Variants in BTBD9 observed in about 807,000 individuals in gnomAD.
BTBD9 encodes BTB domain containing 9.
A neutral mutation model predicts 64.3 loss-of-function variants in BTBD9; 49 were observed. The ratio of observed to expected loss-of-function variants is 0.76; its 90% CI spans 0.61 to 0.97. The LOEUF (loss-of-function observed/expected upper bound fraction) is 0.97, where lower values mean the gene tolerates loss of function less well. Among genes scored for constraint, BTBD9 ranks in the 50% least tolerant of loss-of-function variants. BTBD9 has a pLI of 0.00. For missense variants in BTBD9, 598 were observed against 762.1 expected (o/e 0.78, Z 2.53); for synonymous variants, 260 against 274.7 (o/e 0.95, Z 0.53).
intron 1 of BTBD9, among the ~76,000 whole-genome samples, chr6:38,607,786 A>T (rs1189846361): frequency 6.6e-6 from 1 of 150,424 alleles, no homozygotes; most frequent in Non-Finnish European, 1.5e-5. Context: ...AAAAAGGCTC[A>T]ATTTATAATT....
At chr6:38,610,213 C>T (rs1777566452) in intron 1 of BTBD9, among the ~76,000 whole-genome samples, 1 of 152,136 alleles carries the variant, frequency 6.6e-6, no homozygotes. Flanking sequence ...CAGATAAATG[C>T]CAGCTTCTCG....
At chr6:38,302,485 G>GTATGTGTGTGTATATATATA (rs1384155514) in intron 7 of BTBD9, among the ~76,000 whole-genome samples, 19 of 106,892 alleles carry the variant, frequency 1.8e-4, no homozygotes, top group African/African-American at 6.4e-4. Flanking sequence ...TTGTGTGTAT[G>GTATGTGTGTGTATATATATA]TATATATATA....
chr6:38,185,537 C>G (rs1761779222), intron 10 of BTBD9, among the ~76,000 whole-genome samples: 1 of 152,176 alleles, frequency 6.6e-6, no homozygotes, highest in East Asian at 1.9e-4. Flanking sequence ...CCACTCAAGA[C>G]TGGGTTGATC....
chr6:38,232,790 C>T (rs180948342), intron 9 of BTBD9, among the ~76,000 whole-genome samples: 3 of 152,088 alleles, frequency 2.0e-5, no homozygotes, highest in Admixed American at 1.3e-4. Flanking sequence ...TGCATCACTG[C>T]GCCTGGCTGA....
At position 38,174,566 on chromosome 6, in the gene BTBD9, C is replaced by G. The variant is rs535321905; in HGVS notation, c.*419G>C. On this transcript the variant is annotated 3_prime_UTR_variant, in exon 11 of 11. Coordinates refer to ENST00000481247, the MANE Select transcript of BTBD9 (RefSeq NM_001099272.2). ...AATGTATTCCAGCAGAATGAACACT[C>G]TATGGAGGCCCATTCCTAAAGGGTG... The G allele has an allele frequency of 7.7e-4, 142 of 185,496 alleles. No individual in the cohort carries two copies. Among genetic ancestry groups the G allele is most frequent in the African/African-American group, 2.9e-3 (125 of 43,176 alleles). The allele number at this position is 185,496 out of a possible 1,614,324, so 11.5% of individuals were successfully genotyped here.
chr6:38,412,867 A>G (rs1767498725), intron 6 of BTBD9, among the ~76,000 whole-genome samples: 1 of 150,576 alleles, frequency 6.6e-6, no homozygotes, highest in East Asian at 1.9e-4. Flanking sequence ...TCAAAACAAC[A>G]ACAACAACAA....
chr6:38,471,813 T>C (rs1419516810), intron 6 of BTBD9, among the ~76,000 whole-genome samples: 2 of 152,256 alleles, frequency 1.3e-5, no homozygotes, highest in Non-Finnish European at 2.9e-5. Flanking sequence ...CTTGGAATTA[T>C]GTCTCTTCAT....
At chr6:38,544,432 TA>T (rs1774436437) in intron 6 of BTBD9, among the ~76,000 whole-genome samples, 1 of 152,062 alleles carries the variant, frequency 6.6e-6, no homozygotes, top group Non-Finnish European at 1.5e-5. Flanking sequence ...TGTATGTGTG[TA>T]TATGTATGTA....
intron 6 of BTBD9, among the ~76,000 whole-genome samples, chr6:38,572,304 G>A (rs1469049932): frequency 6.6e-6 from 1 of 152,124 alleles, no homozygotes; most frequent in African/African-American, 2.4e-5. Flanking sequence ...TTGTTGAATG[G>A]GTGAGTGACG....
At chr6:38,425,055 A>C (rs1053846550) in intron 6 of BTBD9, among the ~76,000 whole-genome samples, 2 of 149,960 alleles carry the variant, frequency 1.3e-5, no homozygotes, top group Non-Finnish European at 2.9e-5. Context: ...GGTCGTGGTG[A>C]TCCACCTGCC....
chr6:38,329,410 C>T (rs1763587268), intron 7 of BTBD9, among the ~76,000 whole-genome samples: 1 of 151,138 alleles, frequency 6.6e-6, no homozygotes, highest in Non-Finnish European at 1.5e-5. Flanking sequence ...GCAACCTCCG[C>T]CTCCTGGTTT....
intron 6 of BTBD9, among the ~76,000 whole-genome samples, chr6:38,516,456 C>T (rs1330611750): frequency 6.6e-6 from 1 of 152,226 alleles, no homozygotes; most frequent in Non-Finnish European, 1.5e-5. Context: ...GCACAAACTA[C>T]AGACCGGCAA....
intron 6 of BTBD9, among the ~76,000 whole-genome samples, chr6:38,360,174 T>C (rs1006727904): frequency 6.6e-6 from 1 of 152,150 alleles, no homozygotes; most frequent in Non-Finnish European, 1.5e-5. Flanking sequence ...TTGGTTTTGG[T>C]TTATTCACTT....
intron 6 of BTBD9, among the ~76,000 whole-genome samples, chr6:38,550,229 G>A (rs1297368935): frequency 6.6e-6 from 1 of 152,006 alleles, no homozygotes; most frequent in Admixed American, 6.6e-5. Context: ...ATTCTTCACT[G>A]TCCTTATCTC....
At chr6:38,459,968 T>C (rs1769999038) in intron 6 of BTBD9, among the ~76,000 whole-genome samples, 1 of 152,240 alleles carries the variant, frequency 6.6e-6, no homozygotes, top group Non-Finnish European at 1.5e-5. Flanking sequence ...TTGTATTATT[T>C]CATTTCTTTC....
At chr6:38,557,056 A>AAAAAAAAAAG (rs1775059577) in intron 6 of BTBD9, among the ~76,000 whole-genome samples, 1 of 130,560 alleles carries the variant, frequency 7.7e-6, no homozygotes, top group Admixed American at 8.3e-5. Context: ...AAAAAAAAAA[A>AAAAAAAAAAG]GGGCCAGGCA....
At chr6:38,302,098 G>A (rs762739980) in intron 7 of BTBD9, among the ~76,000 whole-genome samples, 6 of 152,004 alleles carry the variant, frequency 3.9e-5, no homozygotes, top group East Asian at 1.9e-4. Context: ...AGGATATATC[G>A]TCTCATACAT....
intron 6 of BTBD9, among the ~76,000 whole-genome samples, chr6:38,487,589 C>CAGTGAGAG (rs1771507921): frequency 1.6e-5 from 1 of 60,640 alleles, no homozygotes; most frequent in Non-Finnish European, 2.9e-5. Context: ...GAGAGAGAGT[C>CAGTGAGAG]AGCGAGAGAG....
chr6:38,251,357 C>T (rs1227067393), intron 9 of BTBD9, among the ~76,000 whole-genome samples: 2 of 150,446 alleles, frequency 1.3e-5, no homozygotes, highest in African/African-American at 4.9e-5. Context: ...CTCCGCCTCC[C>T]GGGTTCAAGC....
Sources: allele counts gnomAD v4.1 joint callset (sites outside exome capture counted in the v4.1 genomes callset), GRCh38; gene constraint gnomAD v4.1.1; transcripts MANE v1.5; gene names NCBI Gene and HGNC (gene_info 2026-07-23, HGNC 2026-07-21).